The following SANBR variants were observed in gnomAD, a reference collection of about 807,000 sequenced individuals.
SANBR encodes SANT and BTB domain regulator of class switch recombination.
In SANBR, 77 loss-of-function variants were observed where a neutral mutation model predicts 101.8. That is an observed-to-expected ratio of 0.76 (90% confidence interval 0.63 to 0.91). SANBR has a LOEUF of 0.91. Ranked by LOEUF, SANBR falls within the 40% of genes least tolerant of loss-of-function variation. The pLI is 0.00. For synonymous variants in SANBR, 279 were observed against 274.7 expected, an observed-to-expected ratio of 1.02 and a Z score of -0.15; for missense variants, 875 against 853.0, an observed-to-expected ratio of 1.03 and a Z score of -0.32.
At chr2:61,119,377 C>T (rs112825379) in intron 20 of SANBR, among the ~76,000 whole-genome samples, 2,262 of 152,224 alleles carry the variant, frequency 0.015, 21 homozygotes, top group Non-Finnish European at 0.024. Flanking sequence ...AAAAATTGGA[C>T]TTCATCAGCA....
intron 20 of SANBR, among the ~76,000 whole-genome samples, chr2:61,120,521 G>T (rs1004012255): frequency 2.0e-5 from 3 of 152,036 alleles, no homozygotes; most frequent in African/African-American, 7.2e-5. Flanking sequence ...ATTGAGCCCA[G>T]GAATTCAAGA....
Position 61,117,453 on chromosome 2 carries a change from A to C in SANBR, c.1866-14A>C. ...GAAGCATCAATGCTGATTTTTGTTC[A>C]ATTTTTTCAATAGTATGAGTATGCA... On this transcript the variant is annotated splice_polypyrimidine_tract_variant and intron_variant, in intron 18 of 21. Transcript: ENST00000402291. 1 of 1,613,690 alleles carries C rather than the reference A, an allele frequency of 6.2e-7. No homozygotes were observed. The highest frequency in any genetic ancestry group is 8.5e-7 in the Non-Finnish European group (1 of 1,179,712).
intron 12 of SANBR, among the ~76,000 whole-genome samples, chr2:61,102,924 A>G (rs1683358032): frequency 6.6e-6 from 1 of 152,090 alleles, no homozygotes; most frequent in South Asian, 2.1e-4. Context: ...TGGTAATATA[A>G]TTTGGTACAC....
chr2:61,101,739 A>AT, intron 12 of SANBR, among the ~76,000 whole-genome samples: 1 of 148,232 alleles, frequency 6.7e-6, no homozygotes, highest in South Asian at 2.1e-4. Context: ...AAAAAAAAAA[A>AT]TTGTATATAT....
intron 11 of SANBR, among the ~76,000 whole-genome samples, chr2:61,096,143 C>G (rs1315354518): frequency 6.6e-6 from 1 of 151,954 alleles, no homozygotes; most frequent in Non-Finnish European, 1.5e-5. Flanking sequence ...ACACAAAAAC[C>G]CAACACCCAC....
At chr2:61,100,626 G>A (rs1683237670) in intron 12 of SANBR, among the ~76,000 whole-genome samples, 1 of 152,204 alleles carries the variant, frequency 6.6e-6, no homozygotes, top group Non-Finnish European at 1.5e-5. Flanking sequence ...TTGTCATTTA[G>A]ATGATAACTT....
intron 16 of SANBR, 125 bp from the exon 17 acceptor site, chr2:61,115,854 C>T: frequency 1.7e-6 from 1 of 578,844 alleles, no homozygotes. Context: ...GCTTTCTATC[C>T]AGAGGTTAAT....
downstream of SANBR, among the ~76,000 whole-genome samples, chr2:61,126,736 A>G (rs1193967279): frequency 7.2e-6 from 1 of 138,124 alleles, no homozygotes; most frequent in African/African-American, 2.7e-5. Context: ...CGGAAGGTGG[A>G]GGTTGCTGTG....
Position 61,123,299 on chromosome 2 carries a change from A to C in SANBR, c.*1137A>C. ...CATTTCTTCAAATTATTCAGAGAACAGACTTTAATAATGTGTGACAAAAGA... is the reference window on the plus strand; with the variant it reads ...CATTTCTTCAAATTATTCAGAGAACCGACTTTAATAATGTGTGACAAAAGA... On this transcript the variant is annotated 3_prime_UTR_variant, in exon 22 of 22. Coordinates refer to ENST00000402291, the MANE Select transcript of SANBR (RefSeq NM_001129993.3). The C allele has an allele frequency of 1.0e-6, 1 of 980,140 alleles. No homozygotes were observed. The allele number at this position is 980,140 out of a possible 1,614,324, so 60.7% of individuals were successfully genotyped here. A position where few individuals can be genotyped will look rare whatever the true frequency, so the allele number is the denominator to read the frequency against.
intron 21 of SANBR, among the ~76,000 whole-genome samples, chr2:61,135,743 G>A (rs1684821731): frequency 6.6e-6 from 1 of 151,996 alleles, no homozygotes; most frequent in Non-Finnish European, 1.5e-5. Flanking sequence ...ATTTGTAGAA[G>A]GAAACAGAAT....
chr2:61,109,425 A>G (rs1340011492), intron 16 of SANBR, 129 bp downstream of exon 16: 8 of 462,090 alleles, frequency 1.7e-5, no homozygotes, highest in East Asian at 1.6e-4. Context: ...AAAAATTGAA[A>G]GGAGACACCA....
chr2:61,128,328 G>C (rs920791885), downstream of SANBR, among the ~76,000 whole-genome samples: 12 of 151,288 alleles, frequency 7.9e-5, no homozygotes, highest in South Asian at 2.1e-4. Flanking sequence ...ATCAACAGCT[G>C]ACTTCTCATC....
chr2:61,102,409 G>A (rs74351160), intron 12 of SANBR, among the ~76,000 whole-genome samples: 10,508 of 149,404 alleles, frequency 0.07, 1,291 homozygotes, highest in African/African-American at 0.25. Flanking sequence ...AAAGACAACC[G>A]GCACTTCAGA....
At chr2:61,135,138 T>G (rs183336531) in intron 21 of SANBR, among the ~76,000 whole-genome samples, 1 of 152,180 alleles carries the variant, frequency 6.6e-6, no homozygotes, top group African/African-American at 2.4e-5. Context: ...TTGCAGACTT[T>G]AGTTCATTTT....
At chr2:61,120,957 T>C (rs545981802) in intron 20 of SANBR, among the ~76,000 whole-genome samples, 1 of 152,274 alleles carries the variant, frequency 6.6e-6, no homozygotes, top group South Asian at 2.1e-4. Flanking sequence ...ATAGGACTAT[T>C]TTCTGTGTCT....
At chr2:61,118,660 CA>C (rs2104966580) in intron 20 of SANBR, among the ~76,000 whole-genome samples, 1 of 140,974 alleles carries the variant, frequency 7.1e-6, no homozygotes, top group African/African-American at 2.7e-5. Context: ...CTCCCAGGTT[CA>C]AGTGATTCTC....
chr2:61,122,942 G>T lies in SANBR; in HGVS notation c.*780G>T, dbSNP rs1036958336. The T allele has an allele frequency of 1.0e-6, 1 of 985,318 alleles. No individual in the cohort carries two copies. The highest frequency in any genetic ancestry group is 1.2e-6 in the Non-Finnish European group (1 of 829,780). The allele number at this position is 985,318 out of a possible 1,614,324, so 61.0% of individuals were successfully genotyped here. On this transcript the variant is annotated 3_prime_UTR_variant, in exon 22 of 22. Transcript: ENST00000402291. ...ATTTCTGTTATATGAGACACCCACT[G>T]TACAGTTCTCAGGGCTCTAAAACCC... is the stretch of plus-strand genomic sequence containing the variant.
intron 21 of SANBR, among the ~76,000 whole-genome samples, chr2:61,135,196 G>A (rs1684808039): frequency 6.6e-6 from 1 of 152,150 alleles, no homozygotes; most frequent in African/African-American, 2.4e-5. Context: ...GCACTTTTAT[G>A]TGTCTAATAT....
chr2:61,082,955 T>C (rs934741731), intron 7 of SANBR, among the ~76,000 whole-genome samples, 199 bp from the exon 8 acceptor site: 4 of 152,252 alleles, frequency 2.6e-5, no homozygotes, highest in African/African-American at 9.6e-5. Flanking sequence ...TTTAGGTATG[T>C]ATATATGTTG....
Sources: gnomAD v4.1 joint callset for allele counts (sites outside exome capture counted in the v4.1 genomes callset) on GRCh38, gnomAD v4.1.1 for gene constraint, MANE v1.5 for transcripts, NCBI Gene and HGNC (gene_info 2026-07-23, HGNC 2026-07-21) for gene names.